Variants in STK31 observed in about 807,000 individuals in gnomAD.
STK31 encodes the protein serine/threonine kinase 31, also known as serine/threonine-protein kinase 31.
STK31 carries 89 observed loss-of-function variants against 129.7 expected under a neutral mutation model. The ratio of observed to expected loss-of-function variants is 0.69; its 90% confidence interval spans 0.58 to 0.82. The LOEUF (loss-of-function observed/expected upper bound fraction) is 0.82, where lower values mean the gene tolerates loss of function less well. Ranked by LOEUF, STK31 falls within the 40% of genes least tolerant of loss-of-function variation. The pLI, the probability that STK31 is intolerant of heterozygous loss-of-function variation, is 0.00. For missense variants in STK31, 1,187 were observed against 1,176.4 expected, an observed-to-expected ratio of 1.01 and a Z score of -0.13; for synonymous variants, 448 against 395.3, an observed-to-expected ratio of 1.13 and a Z score of -1.58.
chr7:23,721,845 C>A, intron 4 of STK31: 1 of 500,182 alleles, frequency 2.0e-6, no homozygotes. Context: ...TCAGTGATAC[C>A]CTTTCTTCCA....
chr7:23,799,695 T>C (rs1792240128), intron 22 of STK31, among the ~76,000 whole-genome samples: 1 of 152,272 alleles, frequency 6.6e-6, no homozygotes, highest in African/African-American at 2.4e-5. Flanking sequence ...ACTTCATGAC[T>C]AAAACACCAA....
At chr7:23,786,264 TAAG>T (rs1791278087) in intron 18 of STK31, among the ~76,000 whole-genome samples, 1 of 152,074 alleles carries the variant, frequency 6.6e-6, no homozygotes, top group Non-Finnish European at 1.5e-5. Flanking sequence ...ATCATGATAA[TAAG>T]ATAATTAATT....
At chr7:23,798,848 C>T (rs1486752111) in intron 22 of STK31, among the ~76,000 whole-genome samples, 1 of 152,168 alleles carries the variant, frequency 6.6e-6, no homozygotes, top group African/African-American at 2.4e-5. Flanking sequence ...TAGAAAATCC[C>T]ATCATCTCAG....
chr7:23,711,570 A>G (rs946369059), intron 1 of STK31, among the ~76,000 whole-genome samples: 2 of 152,138 alleles, frequency 1.3e-5, no homozygotes, highest in Admixed American at 1.3e-4. Context: ...TTGATAAAGT[A>G]TAATATTATG....
chr7:23,785,607 A>C lies in STK31; in HGVS notation c.2274+4A>C. 2 of 1,610,382 alleles carry C rather than the reference A, an allele frequency of 1.2e-6. No individual in the cohort carries two copies. ...TGGGCAGATAATTCTGTTAAAGGTA[A>C]GTCTAACTTCTTCTTACTTGTGGGA... On this transcript the variant is annotated splice_donor_region_variant and intron_variant, in intron 18 of 23. Coordinates refer to ENST00000355870, the MANE Select transcript of STK31 (RefSeq NM_031414.5).
intron 8 of STK31, among the ~76,000 whole-genome samples, chr7:23,744,954 G>C (rs1161611862): frequency 6.6e-6 from 1 of 152,212 alleles, no homozygotes; most frequent in Non-Finnish European, 1.5e-5. Context: ...GCTAGTAGCA[G>C]CAGTGGTGGG....
At chr7:23,771,209 C>T (rs1438169280) in intron 14 of STK31, 85 bp downstream of exon 14, 4 of 1,269,144 alleles carry the variant, frequency 3.2e-6, no homozygotes, top group Non-Finnish European at 4.2e-6. Context: ...TTGTTTAATA[C>T]TCAGTGTCAG....
In STK31 at chr7:23,735,682, G is replaced by A. The variant is rs1562558825; in HGVS notation, c.628G>A (p.Glu210Lys). The A allele has an allele frequency of 6.2e-7, 1 of 1,614,042 alleles. No individual in the cohort carries two copies. Among genetic ancestry groups the A allele is most frequent in the Admixed American group, 1.7e-5 (1 of 60,012 alleles). The change falls in exon 7 of 24, where the codon GAG becomes AAG. Residue 210 changes from glutamate (E) to lysine (K), a missense_variant. Glu to Lys is a moderately conservative substitution (Grantham distance 56). Transcript: ENST00000355870. ...AGAGGTGCTTAAGAAAGGATTTGCA[G>A]AGAAATGCAGACTTGCTTCCAGAAC... ...GEEVLKKGFA[E>K]KCRLASRTDI...
At chr7:23,778,827 A>G (rs1790722976) in intron 15 of STK31, among the ~76,000 whole-genome samples, 1 of 151,986 alleles carries the variant, frequency 6.6e-6, no homozygotes, top group Non-Finnish European at 1.5e-5. Context: ...TCTGAAGCCT[A>G]CTTCTGTCAA....
intron 23 of STK31, among the ~76,000 whole-genome samples, chr7:23,816,188 C>T (rs1215707493): frequency 1.3e-5 from 2 of 152,028 alleles, no homozygotes; most frequent in Non-Finnish European, 2.9e-5. Context: ...TGTTACACTT[C>T]CTGATTATCT....
intron 15 of STK31, among the ~76,000 whole-genome samples, chr7:23,779,225 G>A (rs1790754510): frequency 6.6e-6 from 1 of 152,160 alleles, no homozygotes; most frequent in Non-Finnish European, 1.5e-5. Flanking sequence ...TCATCCCAGA[G>A]GGGCACCTGC....
intron 22 of STK31, among the ~76,000 whole-genome samples, chr7:23,804,637 C>A (rs1792584532): frequency 1.3e-5 from 2 of 152,138 alleles, no homozygotes; most frequent in South Asian, 4.1e-4. Flanking sequence ...TGTTAGTGGT[C>A]ATACTGATCA....
chr7:23,763,962 T>C (rs1383229837), intron 11 of STK31, among the ~76,000 whole-genome samples: 4 of 152,180 alleles, frequency 2.6e-5, no homozygotes, highest in African/African-American at 9.6e-5. Context: ...GATCTTGTTG[T>C]GGACTGCAGG....
intron 10 of STK31, chr7:23,755,267 C>T (rs1185591859): frequency 6.6e-6 from 1 of 152,122 alleles, no homozygotes; most frequent in African/African-American, 2.4e-5. Flanking sequence ...AGCTTTTTTT[C>T]ATATGTTTGT....
chr7:23,788,010 C>A lies in STK31; in HGVS notation c.2518C>A (p.Gln840Lys). The change falls in exon 21 of 24, where the codon CAG becomes AAG. Residue 840 changes from glutamine (Q) to lysine (K), a missense_variant. Physicochemically the swap from Gln to Lys is moderately conservative, Grantham distance 53. This residue lies in a region of STK31 where 975 missense variants were observed against 934.9 expected (regional missense o/e 1.04). Coordinates refer to ENST00000355870, the MANE Select transcript of STK31 (RefSeq NM_031414.5). ...TTTAAAGGTCATGAAAGGTGTTGCC[C>A]AGGGTCTGCATACATTGCATAAGGC... ...ETLKVMKGVA[Q>K]GLHTLHKADI... 6.3e-7 allele frequency: 1 copy of A among 1,589,124 alleles called. No homozygotes were observed. Among genetic ancestry groups the A allele is most frequent in the Non-Finnish European group, 8.6e-7 (1 of 1,167,570 alleles).
At chr7:23,817,159 G>A (rs968445581) in intron 23 of STK31, among the ~76,000 whole-genome samples, 1 of 152,032 alleles carries the variant, frequency 6.6e-6, no homozygotes, top group Non-Finnish European at 1.5e-5. Context: ...TTGCACTCCA[G>A]CCTGGGCGAC....
intron 10 of STK31, 149 bp from the exon 11 acceptor site, chr7:23,762,652 A>T: frequency 1.3e-6 from 1 of 772,252 alleles, no homozygotes; most frequent in Non-Finnish European, 1.9e-6. Flanking sequence ...TTTTTTTGTC[A>T]TTTTGTTGAT....
intron 16 of STK31, among the ~76,000 whole-genome samples, chr7:23,781,752 A>G (rs534863909): frequency 6.6e-6 from 1 of 152,222 alleles, no homozygotes; most frequent in East Asian, 1.9e-4. Context: ...AGAAGGAAAA[A>G]CATCACTTGT....
chr7:23,713,686 G>A (rs1386957273), intron 3 of STK31, among the ~76,000 whole-genome samples: 2 of 151,878 alleles, frequency 1.3e-5, no homozygotes, highest in Non-Finnish European at 2.9e-5. Context: ...CAATATCACT[G>A]TCTTTCACTT....
Sources: gnomAD v4.1 joint callset for allele counts (sites outside exome capture counted in the v4.1 genomes callset) on GRCh38, gnomAD v4.1.1 for gene constraint, gnomAD v4.1.1 regional missense constraint, MANE v1.5 for transcripts, NCBI Gene and HGNC (gene_info 2026-07-23, HGNC 2026-07-21) for gene names.